The following DMBT1 variants were observed in gnomAD, a reference collection of about 807,000 sequenced individuals.
DMBT1 encodes the protein deleted in malignant brain tumors 1, also known as scavenger receptor cysteine-rich domain-containing protein DMBT1.
Under a neutral mutation model 252.9 loss-of-function variants are expected in DMBT1, and 198 were observed. The observed-to-expected ratio is 0.78, with a 90% CI of 0.70 to 0.88. The LOEUF (loss-of-function observed/expected upper bound fraction) is 0.88. DMBT1 is among the 40% of genes least tolerant of loss of function. DMBT1 has a pLI of 0.00. For missense variants in DMBT1, 2,432 were observed against 2,404.7 expected (o/e 1.01, Z -0.24); for synonymous variants, 990 against 942.7 (o/e 1.05, Z -0.92).
At position 122,601,006 on chromosome 10, in the gene DMBT1, C is replaced by G. The variant is rs749815554; in HGVS notation, c.3326C>G (p.Ser1109Ter). 1 of 961,074 alleles carries G rather than the reference C, an allele frequency of 1.0e-6. No homozygotes were observed. The highest frequency in any genetic ancestry group is 1.4e-5 in the South Asian group (1 of 73,480). 59.5% of individuals were successfully genotyped at this position (961,074 alleles called of 1,614,324 possible). A position where few individuals can be genotyped will look rare whatever the true frequency, so the allele number is the denominator to read the frequency against. ...CAATTTACAGACACTTGGCCAACCT[C>G]ACATGCATCAACAGCAGGTAAATAA... is the stretch of plus-strand genomic sequence containing the variant. ...PTPSPDTWPT[S>*]HASTAGSESS... Residue 1109 changes from serine (S) to a stop codon, truncating the protein, a stop_gained, in exon 28 of 56, where the codon TCA becomes TGA. Coordinates refer to ENST00000338354, the MANE Select transcript of DMBT1 (RefSeq NM_001377530.1). LOFTEE classifies it high-confidence loss of function.
chr10:122,579,969 C>T (rs2097753631), intron 10 of DMBT1, 68 bp downstream of exon 10: 4 of 1,607,666 alleles, frequency 2.5e-6, no homozygotes, highest in Non-Finnish European at 3.4e-6. Flanking sequence ...CTCCTAATTA[C>T]ATTCTGATCT....
chr10:122,617,101 G>C, intron 39 of DMBT1, 127 bp from the exon 40 acceptor site: 2 of 1,134,222 alleles, frequency 1.8e-6, no homozygotes, highest in East Asian at 5.4e-5. Context: ...AAGACACATG[G>C]GAAGCAAGTG....
In DMBT1 at chr10:122,576,491, G is replaced by C; in HGVS notation, c.376G>C (p.Val126Leu). ...CCTATACCGAGGCTCCTGGGGCACC[G>C]TGTGTGATGACAGCTGGGACACCAA... is the stretch of plus-strand genomic sequence containing the variant. ...EILYRGSWGT[V>L]CDDSWDTNDA... Residue 126 changes from valine to leucine, a missense_variant, in exon 7 of 56, where the codon GTG becomes CTG. Coordinates refer to ENST00000338354, the MANE Select transcript of DMBT1 (RefSeq NM_001377530.1). 1 of 1,613,966 alleles carries C rather than the reference G, an allele frequency of 6.2e-7. No individual in the cohort carries two copies. The highest frequency in any genetic ancestry group is 8.5e-7 in the Non-Finnish European group (1 of 1,179,870).
chr10:122,579,456 T>C, intron 9 of DMBT1, 122 bp from the exon 10 acceptor site: 2 of 1,565,282 alleles, frequency 1.3e-6, no homozygotes, highest in Admixed American at 1.7e-5. Context: ...TGTGGTCATA[T>C]GCAAAGGTGA....
chr10:122,598,907 C>G lies in DMBT1; in HGVS notation c.3090C>G (p.Val1030=), dbSNP rs532330070. 6.2e-7 allele frequency: 1 copy of G among 1,613,844 alleles called. No individual in the cohort carries two copies. The highest frequency in any genetic ancestry group is 1.7e-5 in the Admixed American group (1 of 60,022). The change falls in exon 26 of 56, where the codon GTC becomes GTG. Residue 1030 remains valine, a synonymous_variant. Coordinates refer to ENST00000338354, the MANE Select transcript of DMBT1 (RefSeq NM_001377530.1). ...DSWDTNDANV[V]CRQLGCGWAM... ...GGGACACCAATGATGCCAATGTCGT[C>G]TGCAGGCAACTGGGCTGTGGCTGGG...
At chr10:122,581,422 G>C (rs1355089229) in intron 11 of DMBT1, among the ~76,000 whole-genome samples, 1 of 148,702 alleles carries the variant, frequency 6.7e-6, no homozygotes, top group Non-Finnish European at 1.5e-5. Context: ...CCTGATTCCT[G>C]ATTGTCCCCT....
At chr10:122,585,844 G>A (rs116294367) in intron 15 of DMBT1, among the ~76,000 whole-genome samples, 1,961 of 148,730 alleles carry the variant, frequency 0.013, 116 homozygotes, top group African/African-American at 0.045. Flanking sequence ...ACTCCAGTAG[G>A]GTCACAGGTG....
chr10:122,570,849 A>T, intron 3 of DMBT1, 41 bp from the exon 4 acceptor site: 4 of 1,605,034 alleles, frequency 2.5e-6, no homozygotes, highest in Non-Finnish European at 2.6e-6. Context: ...TCCCCAAACA[A>T]GGGCTACCAT....
intron 1 of DMBT1, 112 bp downstream of exon 1, chr10:122,560,943 G>A: frequency 1.4e-6 from 1 of 694,914 alleles, no homozygotes. Flanking sequence ...AGAGTGGGTA[G>A]CACTTTGCTG....
intron 54 of DMBT1, among the ~76,000 whole-genome samples, chr10:122,639,761 G>GACAGTTT (rs1844180726): frequency 6.6e-6 from 1 of 152,194 alleles, no homozygotes; most frequent in Admixed American, 6.5e-5. Flanking sequence ...AAATTTTTAA[G>GACAGTTT]ACAGTTTAAA....
intron 26 of DMBT1, 56 bp from the exon 27 acceptor site, chr10:122,600,008 C>A: frequency 6.3e-7 from 1 of 1,577,754 alleles, no homozygotes; most frequent in Non-Finnish European, 8.6e-7. Context: ...CCTCGTTCCA[C>A]TTTGCCGACT....
rs767106112 is a variant in DMBT1 at position 122,618,294 on chromosome 10, C to T, written c.5169C>T (p.Leu1723=). ...YLWSCPHNGW[L]SHNCGHHEDA... ...GGAGCTGCCCCCACAATGGCTGGCTCTCCCACAACTGTGGCCATCATGAAG... is the reference window on the plus strand; with the variant it reads ...GGAGCTGCCCCCACAATGGCTGGCTTTCCCACAACTGTGGCCATCATGAAG... The change falls in exon 41 of 56, where the codon CTC becomes CTT. Residue 1723 remains leucine (L), a synonymous_variant. Transcript: ENST00000338354. 2 of 1,613,856 alleles carry T rather than the reference C, an allele frequency of 1.2e-6. No individual in the cohort carries two copies. Among genetic ancestry groups the T allele is most frequent in the East Asian group, 2.2e-5 (1 of 44,874 alleles).
intron 44 of DMBT1, 72 bp downstream of exon 44, chr10:122,621,452 C>A: frequency 1.9e-6 from 3 of 1,600,500 alleles, no homozygotes; most frequent in Non-Finnish European, 2.6e-6. Flanking sequence ...TAATTACATT[C>A]TGATCTCCTC....
Position 122,625,322 on chromosome 10 carries a change from A to C in DMBT1, c.5635+19A>C. 1 of 1,606,644 alleles carries C rather than the reference A, an allele frequency of 6.2e-7. No homozygotes were observed. On this transcript the variant is annotated intron_variant, in intron 45 of 55. Coordinates refer to ENST00000338354, the MANE Select transcript of DMBT1 (RefSeq NM_001377530.1). Reference sequence around the variant, plus strand: ...ACGACAGGTGAGTCTGCTACACCCCAGTCCAGCAATATTTCTCTTGGGAAT... The same window carrying C: ...ACGACAGGTGAGTCTGCTACACCCCCGTCCAGCAATATTTCTCTTGGGAAT...
At chr10:122,570,078 T>TCA in intron 2 of DMBT1, 84 bp from the exon 3 acceptor site, 2 of 1,282,448 alleles carry the variant, frequency 1.6e-6, no homozygotes, top group Non-Finnish European at 2.3e-6. Context: ...CTTCCAGTTC[T>TCA]TGCTTGAGAG....
At chr10:122,588,720 C>T (rs1387981602) in intron 16 of DMBT1, among the ~76,000 whole-genome samples, 1 of 148,968 alleles carries the variant, frequency 6.7e-6, no homozygotes, top group African/African-American at 2.4e-5. Context: ...CCACTGGGGT[C>T]ACAGGTGCTT....
At position 122,591,506 on chromosome 10, in the gene DMBT1, C is replaced by T; in HGVS notation, c.2165C>T (p.Pro722Leu). Residue 722 changes from proline (P) to leucine (L), a missense_variant, in exon 19 of 56, where the codon CCA (proline) becomes CTA (leucine). Transcript: ENST00000338354. The part of the protein sequence containing the change: ...PDTLSTITLP[P>L]STVGSESSLT... ...ACGTTGTCGACCATCACGTTACCTC[C>T]ATCGACAGTAGGTAAATAATCCTCT... 1 of 1,587,112 alleles carries T rather than the reference C, an allele frequency of 6.3e-7. No homozygotes were observed. The highest frequency in any genetic ancestry group is 1.2e-5 in the South Asian group (1 of 86,774).
At chr10:122,593,059 G>A (rs3013238) in intron 20 of DMBT1, among the ~76,000 whole-genome samples, 146,824 of 148,120 alleles carry the variant, frequency 0.99, 72,890 homozygotes, top group Middle Eastern at 1. Context: ...AAGGGTTAGG[G>A]GTGCAAATGG....
Position 122,589,222 on chromosome 10 carries a change from T to A in DMBT1, c.2062T>A (p.Ser688Thr). 6.3e-7 allele frequency: 1 copy of A among 1,588,578 alleles called. No individual in the cohort carries two copies. Among genetic ancestry groups the A allele is most frequent in the African/African-American group, 1.3e-5 (1 of 74,692 alleles). Residue 688 changes from serine (S) to threonine (T), a missense_variant, in exon 17 of 56, where the codon TCC (serine) becomes ACC (threonine). Ser to Thr is a moderately conservative substitution (Grantham distance 58). This residue lies in a region of DMBT1 where 1,264 missense variants were observed against 1,082.2 expected (regional missense o/e 1.17). Coordinates refer to ENST00000338354, the MANE Select transcript of DMBT1 (RefSeq NM_001377530.1). Reference sequence around the variant, plus strand: ...GAGCTGCCCCAACAATGGCTGGCTCTCCCACAACTGTGGCCATCATGAAGA... The same window carrying A: ...GAGCTGCCCCAACAATGGCTGGCTCACCCACAACTGTGGCCATCATGAAGA... ...LWSCPNNGWL[S>T]HNCGHHEDAG...
Sources: gnomAD v4.1 joint callset for allele counts (sites outside exome capture counted in the v4.1 genomes callset) on GRCh38, gnomAD v4.1.1 for gene constraint, gnomAD v4.1.1 regional missense constraint, MANE v1.5 for transcripts, NCBI Gene and HGNC (gene_info 2026-07-23, HGNC 2026-07-21) for gene names.